FBXL17: variants seen among roughly 807,000 people sequenced by gnomAD.
FBXL17 encodes F-box/LRR-repeat protein 17.
FBXL17 carries 22 observed loss-of-function variants against 66.2 expected under a neutral mutation model. The observed-to-expected ratio is 0.33, with a 90% CI of 0.24 to 0.47. FBXL17 has a LOEUF of 0.47. Ranked by LOEUF, FBXL17 falls within the 20% of genes least tolerant of loss-of-function variation. The pLI is 1.00. For missense variants in FBXL17, 878 were observed against 948.2 expected, an observed-to-expected ratio of 0.93 and a Z score of 0.97; for synonymous variants, 474 against 400.5, an observed-to-expected ratio of 1.18 and a Z score of -2.19.
At chr5:108,278,944 C>T (rs1297822590) in intron 4 of FBXL17, among the ~76,000 whole-genome samples, 1 of 152,166 alleles carries the variant, frequency 6.6e-6, no homozygotes, top group Non-Finnish European at 1.5e-5. Context: ...GGTTACAAAC[C>T]CAATCCACCA....
chr5:108,030,434 G>T (rs1754990048), intron 6 of FBXL17, among the ~76,000 whole-genome samples: 1 of 152,058 alleles, frequency 6.6e-6, no homozygotes, highest in Admixed American at 6.6e-5. Flanking sequence ...TCAGACAGTG[G>T]GTACCTCTGC....
intron 5 of FBXL17, among the ~76,000 whole-genome samples, chr5:108,202,155 C>G (rs1401275621): frequency 6.6e-6 from 1 of 152,108 alleles, no homozygotes; most frequent in African/African-American, 2.4e-5. Context: ...CTGAAGCAAC[C>G]ATTTTATCAA....
intron 8 of FBXL17, 114 bp from the exon 9 acceptor site, chr5:107,861,974 G>C (rs1327128790): frequency 1.2e-5 from 14 of 1,152,280 alleles, no homozygotes; most frequent in Non-Finnish European, 1.6e-5. Context: ...CCCTCGCCTT[G>C]TTCCTCCTAG....
chr5:108,035,562 T>G (rs1414806719), intron 6 of FBXL17, among the ~76,000 whole-genome samples: 1 of 152,088 alleles, frequency 6.6e-6, no homozygotes, highest in Non-Finnish European at 1.5e-5. Context: ...AGACGGAGTT[T>G]CTCCATGTTG....
intron 7 of FBXL17, among the ~76,000 whole-genome samples, chr5:107,945,222 C>T (rs1268454629): frequency 6.6e-6 from 1 of 152,124 alleles, no homozygotes; most frequent in Non-Finnish European, 1.5e-5. Flanking sequence ...TTCAGTTTCA[C>T]AGCAATCGGA....
chr5:108,140,164 T>C (rs538065327), intron 6 of FBXL17, among the ~76,000 whole-genome samples: 1 of 152,186 alleles, frequency 6.6e-6, no homozygotes, highest in Non-Finnish European at 1.5e-5. Context: ...TCCTGCCTCA[T>C]CCTGCCAAGT....
intron 8 of FBXL17, among the ~76,000 whole-genome samples, chr5:107,871,064 A>AC (rs1157323963): frequency 4.8e-5 from 7 of 146,092 alleles, no homozygotes; most frequent in African/African-American, 1.8e-4. Context: ...CGGCAAAAAA[A>AC]AAAAAAAAAA....
intron 4 of FBXL17, among the ~76,000 whole-genome samples, 186 bp from the exon 5 acceptor site, chr5:108,224,414 C>A (rs193202548): frequency 8.5e-5 from 13 of 152,142 alleles, no homozygotes; most frequent in African/African-American, 2.9e-4. Flanking sequence ...CTTGACCCTA[C>A]ATCCACTTCT....
intron 8 of FBXL17, among the ~76,000 whole-genome samples, chr5:107,868,496 G>A (rs188863834): frequency 7.9e-5 from 12 of 152,322 alleles, no homozygotes; most frequent in South Asian, 6.2e-4. Context: ...GCCTGACCAC[G>A]GGCCTTTGGA....
chr5:108,346,254 A>G (rs150401771), intron 4 of FBXL17, among the ~76,000 whole-genome samples: 2,993 of 152,250 alleles, frequency 0.02, 46 homozygotes, highest in Middle Eastern at 0.031. Flanking sequence ...ATAAACTTAA[A>G]TGGGAAGAAC....
chr5:108,234,370 A>G (rs1755503700), intron 4 of FBXL17, among the ~76,000 whole-genome samples: 1 of 152,182 alleles, frequency 6.6e-6, no homozygotes, highest in African/African-American at 2.4e-5. Flanking sequence ...AATAATATTG[A>G]GAGGCATAAT....
intron 4 of FBXL17, among the ~76,000 whole-genome samples, chr5:108,271,219 C>A (rs1757254387): frequency 6.6e-6 from 1 of 152,138 alleles, no homozygotes; most frequent in East Asian, 1.9e-4. Context: ...ACCATGAAAA[C>A]TGGAGCTCCC....
At chr5:107,999,423 T>C (rs12152912) in intron 7 of FBXL17, among the ~76,000 whole-genome samples, 7,462 of 148,396 alleles carry the variant, frequency 0.05, 254 homozygotes, top group Middle Eastern at 0.086. Context: ...TTTTTTGAAA[T>C]TTACTTTTTT....
In FBXL17 at chr5:108,239,116, C is replaced by A. The variant is rs75981207; in HGVS notation, c.1507-14888G>T. On this transcript the variant is annotated intron_variant, in intron 4 of 8. Coordinates refer to ENST00000542267, the MANE Select transcript of FBXL17 (RefSeq NM_001163315.3). The stretch of plus-strand genomic sequence containing the variant: ...TGTCACCCAGGCTGCAGTACAGTAG[C>A]GCGATCATACCTCACTGTAGGAGGC... Among the ~76,000 whole-genome samples the A allele has an allele frequency of 4.6e-5, 7 of 151,968 alleles. No homozygotes were observed. The South Asian group carries it at 1.5e-3, about 32-fold the overall frequency.
chr5:107,894,069 G>A (rs966876190), intron 7 of FBXL17, among the ~76,000 whole-genome samples: 2 of 152,136 alleles, frequency 1.3e-5, no homozygotes, highest in Non-Finnish European at 2.9e-5. Context: ...GATATAATTT[G>A]CCTAGCTTTC....
At chr5:108,021,829 G>A (rs1754615762) in intron 6 of FBXL17, among the ~76,000 whole-genome samples, 1 of 151,788 alleles carries the variant, frequency 6.6e-6, no homozygotes, top group Admixed American at 6.6e-5. Flanking sequence ...CTTCAATGCA[G>A]TCCCTCTTTT....
At chr5:107,962,587 A>G (rs1316364398) in intron 7 of FBXL17, among the ~76,000 whole-genome samples, 1 of 152,162 alleles carries the variant, frequency 6.6e-6, no homozygotes, top group African/African-American at 2.4e-5. Context: ...AAATTTTTAA[A>G]TTGATATTGC....
chr5:108,113,956 C>A (rs1412466072), intron 6 of FBXL17, among the ~76,000 whole-genome samples: 2 of 152,078 alleles, frequency 1.3e-5, no homozygotes, highest in African/African-American at 2.4e-5. Flanking sequence ...ATTTCAGTTT[C>A]TTCTATTTTT....
At chr5:107,965,262 C>A (rs1360231311) in intron 7 of FBXL17, among the ~76,000 whole-genome samples, 1 of 152,048 alleles carries the variant, frequency 6.6e-6, no homozygotes, top group Non-Finnish European at 1.5e-5. Flanking sequence ...AGTTTTTCTA[C>A]ACAAAGAATG....
Sources: gnomAD v4.1 joint callset for allele counts (sites outside exome capture counted in the v4.1 genomes callset) on GRCh38, gnomAD v4.1.1 for gene constraint, MANE v1.5 for transcripts, NCBI Gene and HGNC (gene_info 2026-07-23, HGNC 2026-07-21) for gene names.